RTCB: variants seen among roughly 807,000 people sequenced by gnomAD.
RTCB encodes RNA-splicing ligase RTCB.
In RTCB, 32 loss-of-function variants were observed where a neutral mutation model predicts 58.2. The ratio of observed to expected loss-of-function variants is 0.55; its 90% confidence interval spans 0.41 to 0.74. RTCB has a LOEUF of 0.74. Ranked by LOEUF, RTCB falls within the 30% of genes least tolerant of loss-of-function variation. The pLI, the probability that RTCB is intolerant of heterozygous loss-of-function variation, is 0.00. For synonymous variants in RTCB, 247 were observed against 218.6 expected, an observed-to-expected ratio of 1.13 and a Z score of -1.15; for missense variants, 523 against 639.0, an observed-to-expected ratio of 0.82 and a Z score of 1.96.
At chr22:32,410,875 A>G (rs1933509039) in intron 1 of RTCB, among the ~76,000 whole-genome samples, 2 of 152,034 alleles carry the variant, frequency 1.3e-5, no homozygotes, top group African/African-American at 4.8e-5. Flanking sequence ...CGCCTGGCTA[A>G]TTAAATTTTT....
intron 4 of RTCB, 90 bp downstream of exon 4, chr22:32,406,572 C>T (rs916703118): frequency 3.5e-5 from 28 of 789,058 alleles, no homozygotes; most frequent in Middle Eastern, 4.8e-4. Flanking sequence ...CCACCCGCCT[C>T]GGCCTCCCAA....
intron 1 of RTCB, 78 bp downstream of exon 1, chr22:32,411,986 G>T (rs1933534336): frequency 4.7e-6 from 5 of 1,067,606 alleles, no homozygotes; most frequent in Non-Finnish European, 6.9e-6. Context: ...GGTCAGGGGA[G>T]GTCCAGAGGG....
intron 4 of RTCB, among the ~76,000 whole-genome samples, chr22:32,404,301 T>G (rs964080626): frequency 2.0e-5 from 3 of 152,286 alleles, no homozygotes; most frequent in African/African-American, 4.8e-5. Context: ...TGTCCTTTAC[T>G]TAACTCAATG....
intron 4 of RTCB, among the ~76,000 whole-genome samples, chr22:32,404,330 T>C (rs1419419809): frequency 6.6e-6 from 1 of 152,228 alleles, no homozygotes; most frequent in Non-Finnish European, 1.5e-5. Context: ...TAGACACAAG[T>C]ATTTTCTACT....
intron 9 of RTCB, among the ~76,000 whole-genome samples, chr22:32,394,395 G>A (rs924298946): frequency 6.6e-6 from 1 of 152,208 alleles, no homozygotes; most frequent in Non-Finnish European, 1.5e-5. Flanking sequence ...ACAGGCGTAA[G>A]CCACCACACC....
At chr22:32,400,102 C>A in intron 5 of RTCB, 1 of 173,704 alleles carries the variant, frequency 5.8e-6, no homozygotes, top group Non-Finnish European at 1.2e-5. Context: ...AAAAACAAAA[C>A]AAAACAAAAA....
intron 4 of RTCB, among the ~76,000 whole-genome samples, chr22:32,405,254 C>T (rs1933400293): frequency 1.3e-5 from 2 of 151,990 alleles, no homozygotes; most frequent in South Asian, 4.1e-4. Flanking sequence ...GTTTTAATTT[C>T]TAATAAGGTA....
rs752823228 is a variant in RTCB, at chr22:32,395,168, T to C, written c.1037A>G (p.His346Arg). ...GTTGTGAGAAACATCATAGATCACA[T>C]GTAGGTCCAAGTCATCAGGGGTTGT... is the stretch of plus-strand genomic sequence containing the variant. ...FNTTPDDLDL[H>R]VIYDVSHNIA... The change falls in exon 9 of 12, where the codon CAT (histidine) becomes CGT (arginine). Residue 346 changes from histidine (H) to arginine (R), a missense_variant. Around this residue, in one of 3 missense-constraint regions of RTCB, gnomAD observed 248 missense variants for 292.5 expected, o/e 0.85. Transcript: ENST00000216038. 6.2e-6 allele frequency: 10 copies of C among 1,614,086 alleles called. No homozygotes were observed. The highest frequency in any genetic ancestry group is 3.3e-5 in the Admixed American group (2 of 60,006).
At chr22:32,407,807 G>A (rs564559835) in intron 3 of RTCB, 4 of 177,914 alleles carry the variant, frequency 2.2e-5, no homozygotes, top group South Asian at 3.8e-4. Flanking sequence ...TGCCATCCAC[G>A]CTAAAAGTGC....
At chr22:32,403,931 G>GT (rs1933379665) in intron 4 of RTCB, among the ~76,000 whole-genome samples, 2 of 152,170 alleles carry the variant, frequency 1.3e-5, no homozygotes, top group Non-Finnish European at 2.9e-5. Context: ...AAATCATGTA[G>GT]TATTTTCGTT....
chr22:32,406,053 G>A (rs1469576601), intron 4 of RTCB, among the ~76,000 whole-genome samples: 2 of 152,026 alleles, frequency 1.3e-5, no homozygotes, highest in Non-Finnish European at 2.9e-5. Flanking sequence ...ATTATTAGAC[G>A]TGATCTGTCC....
In RTCB at chr22:32,387,954, AG is replaced by A. The variant is rs769988256; in HGVS notation, c.*37del. Reference sequence around the variant, plus strand: ...ATGTCAGTCCACTTCCACTTCAGAGAGGGTTGGTGGTGTCAGGCAGCCCTGC... The same window carrying A: ...ATGTCAGTCCACTTCCACTTCAGAGAGGTTGGTGGTGTCAGGCAGCCCTGC... On this transcript the variant is annotated 3_prime_UTR_variant, in exon 12 of 12. Transcript: ENST00000216038. 1 of 1,296,944 alleles carries A rather than the reference AG, an allele frequency of 7.7e-7. No homozygotes were observed. Among genetic ancestry groups the A allele is most frequent in the South Asian group, 1.2e-5 (1 of 84,142 alleles). 80.3% of individuals were successfully genotyped at this position (1,296,944 alleles called of 1,614,324 possible). A position where few individuals can be genotyped will look rare whatever the true frequency, so the allele number is the denominator to read the frequency against.
intron 1 of RTCB, among the ~76,000 whole-genome samples, chr22:32,411,566 G>A (rs1270228404): frequency 6.6e-6 from 1 of 152,186 alleles, no homozygotes; most frequent in Non-Finnish European, 1.5e-5. Context: ...TGCAAGAAAT[G>A]ACATCGCTTT....
intron 4 of RTCB, among the ~76,000 whole-genome samples, chr22:32,403,418 A>G (rs759514878): frequency 4.0e-5 from 6 of 151,168 alleles, no homozygotes; most frequent in Non-Finnish European, 8.8e-5. Context: ...AAAAAAAAAG[A>G]AAAAAAAACC....
At chr22:32,400,662 C>T (rs746494380) in intron 5 of RTCB, among the ~76,000 whole-genome samples, 1 of 152,112 alleles carries the variant, frequency 6.6e-6, no homozygotes, top group Non-Finnish European at 1.5e-5. Flanking sequence ...AATCACAGAC[C>T]ACGCATCATC....
intron 9 of RTCB, 108 bp from the exon 10 acceptor site, chr22:32,394,110 ACTT>A (rs1332558747): frequency 1.7e-4 from 112 of 655,570 alleles, no homozygotes; most frequent in Middle Eastern, 3.1e-4. Context: ...AGAAACCCAG[ACTT>A]CTTTTTTTTT....
intron 11 of RTCB, among the ~76,000 whole-genome samples, chr22:32,390,311 G>A (rs73881676): frequency 0.035 from 5,264 of 152,260 alleles, 286 homozygotes; most frequent in African/African-American, 0.12. Context: ...TGTTAGCTGA[G>A]TAAGTGAATC....
chr22:32,389,064 A>G lies in RTCB; in HGVS notation c.1411-965T>C, dbSNP rs147859111. On this transcript the variant is annotated intron_variant, in intron 11 of 11. Coordinates refer to ENST00000216038, the MANE Select transcript of RTCB (RefSeq NM_014306.5). ...GCTCCTGGCTTTCATGGTTGTTTCT[A>G]TTCTCCCGTTCTCCCTAGGCACTCC... is the stretch of plus-strand genomic sequence containing the variant. 2.0e-4 allele frequency among the ~76,000 whole-genome samples: 31 copies of G among 152,162 alleles called. No individual in the cohort carries two copies. In the East Asian group the frequency reaches 6.0e-3, roughly 30 times the overall value.
chr22:32,395,942 GC>G (rs3215463), intron 8 of RTCB, 131 bp downstream of exon 8: 446,490 of 804,730 alleles, frequency 0.55, 127,830 homozygotes, highest in African/African-American at 0.85. Context: ...CTTGTGATCC[GC>G]CCCCCCTCGG....
Sources: gnomAD v4.1 joint callset for allele counts (sites outside exome capture counted in the v4.1 genomes callset) on GRCh38, gnomAD v4.1.1 for gene constraint, gnomAD v4.1.1 regional missense constraint, MANE v1.5 for transcripts, NCBI Gene and HGNC (gene_info 2026-07-23, HGNC 2026-07-21) for gene names.